YIPF3: variants seen among roughly 807,000 people sequenced by gnomAD.
YIPF3 encodes protein YIPF3.
A neutral mutation model predicts 40.3 loss-of-function variants in YIPF3; 18 were observed. That is an observed-to-expected ratio of 0.45 (90% CI 0.31 to 0.66). YIPF3 has a LOEUF of 0.66. Among genes scored for constraint, YIPF3 ranks in the 30% least tolerant of loss-of-function variants. YIPF3 has a pLI of 0.07. For synonymous variants in YIPF3, 190 were observed against 179.6 expected (o/e 1.06, Z -0.46); for missense variants, 406 against 452.2 (o/e 0.90, Z 0.93).
chr6:43,516,726 C>A lies in YIPF3; in HGVS notation c.81+1G>T. 6.2e-7 allele frequency: 1 copy of A among 1,612,896 alleles called. No homozygotes were observed. Among genetic ancestry groups the A allele is most frequent in the Non-Finnish European group, 8.5e-7 (1 of 1,179,806 alleles). ...GGCAGCTGGTGCCTTGGGGCCATTA[C>A]CTGGATGTTTTCTTCGAACCCTCCC... On this transcript the variant is annotated splice_donor_variant, in intron 1 of 8. Coordinates refer to ENST00000372422, the MANE Select transcript of YIPF3 (RefSeq NM_015388.4). LOFTEE classifies it high-confidence loss of function.
intron 1 of YIPF3, chr6:43,516,344 G>C (rs1433265827): frequency 2.3e-6 from 2 of 872,704 alleles, no homozygotes; most frequent in Admixed American, 3.2e-5. Flanking sequence ...ACCTATCAAA[G>C]ACTAAAAGGC....
chr6:43,515,143 C>A (rs912287526), intron 3 of YIPF3: 3 of 380,224 alleles, frequency 7.9e-6, no homozygotes, highest in Admixed American at 3.2e-5. Context: ...GGACTACGGG[C>A]ACCCGCCTGT....
chr6:43,516,774 G>C lies in YIPF3; in HGVS notation c.34C>G (p.Arg12Gly). The C allele has an allele frequency of 6.3e-7, 1 of 1,576,158 alleles. No individual in the cohort carries two copies. Among genetic ancestry groups the C allele is most frequent in the Non-Finnish European group, 8.6e-7 (1 of 1,162,790 alleles). ...CCCCATTCCGGGCCAGCTCCATTTC[G>C]GGCGCCGCCCGCCGGCGCCGCTGTA... The part of the protein sequence containing the change: ...ATTAAPAGGA[R>G]NGAGPEWGGF... The change falls in exon 1 of 9, where the codon CGA (arginine) becomes GGA (glycine). Residue 12 changes from arginine (R) to glycine (G), a missense_variant. Physicochemically the swap from Arg to Gly is moderately radical, Grantham distance 125. Transcript: ENST00000372422.
In YIPF3 at chr6:43,516,886, A is replaced by G; in HGVS notation, c.-79T>C. The G allele has an allele frequency of 6.8e-7, 1 of 1,478,884 alleles. No individual in the cohort carries two copies. Among genetic ancestry groups the G allele is most frequent in the South Asian group, 1.2e-5 (1 of 82,880 alleles). 91.6% of individuals were successfully genotyped at this position (1,478,884 alleles called of 1,614,324 possible). ...GGCAAGATGTGGGCCTCCGGAAGGTAGACGTCCAGGGTCGAGGAGAGGTGG... is the reference window on the plus strand; with the variant it reads ...GGCAAGATGTGGGCCTCCGGAAGGTGGACGTCCAGGGTCGAGGAGAGGTGG... On this transcript the variant is annotated 5_prime_UTR_variant, in exon 1 of 9. Transcript: ENST00000372422.
Position 43,515,147 on chromosome 6 carries a change from C to T in YIPF3, c.395+448G>A, listed in dbSNP as rs745610873. 7.8e-5 allele frequency: 30 copies of T among 383,470 alleles called. No individual in the cohort carries two copies. The East Asian group carries it at 1.5e-3, about 20-fold the overall frequency. 23.8% of individuals were successfully genotyped at this position (383,470 alleles called of 1,614,324 possible). Reference sequence around the variant, plus strand: ...CCGAGTAGCTGGGACTACGGGCACCCGCCTGTCTAATTTTTTTTGCATTTT... The same window carrying T: ...CCGAGTAGCTGGGACTACGGGCACCTGCCTGTCTAATTTTTTTTGCATTTT... On this transcript the variant is annotated intron_variant, in intron 3 of 8. Transcript: ENST00000372422.
At chr6:43,516,305 G>A in intron 1 of YIPF3, 2 of 1,139,206 alleles carry the variant, frequency 1.8e-6, no homozygotes, top group Non-Finnish European at 2.4e-6. Context: ...AAACCTACTA[G>A]TCTTCCATTC....
chr6:43,516,327 C>T (rs1392428281), intron 1 of YIPF3: 2 of 968,734 alleles, frequency 2.1e-6, no homozygotes, highest in Non-Finnish European at 2.9e-6. Context: ...TGTCTTTCTC[C>T]TATGTTACCT....
Position 43,516,916 on chromosome 6 carries a change from G to T in YIPF3, c.-109C>A. 7.6e-7 allele frequency: 1 copy of T among 1,321,798 alleles called. No homozygotes were observed. Among genetic ancestry groups the T allele is most frequent in the Non-Finnish European group, 1.1e-6 (1 of 941,352 alleles). The allele number at this position is 1,321,798 out of a possible 1,614,324, so 81.9% of individuals were successfully genotyped here. A position where few individuals can be genotyped will look rare whatever the true frequency, so the allele number is the denominator to read the frequency against. On this transcript the variant is annotated 5_prime_UTR_variant, in exon 1 of 9. Transcript: ENST00000372422. The stretch of plus-strand genomic sequence containing the variant: ...TCCAGGGTCGAGGAGAGGTGGGATC[G>T]GCCGGAACACAAAAAGGAGAAGCCC...
chr6:43,512,679 T>C (rs1467076303), intron 7 of YIPF3, 82 bp downstream of exon 7: 11 of 1,554,890 alleles, frequency 7.1e-6, no homozygotes, highest in Middle Eastern at 2.3e-4. Context: ...TTAGGGCTCT[T>C]TGTGAGATGG....
chr6:43,516,270 C>A, intron 1 of YIPF3, 175 bp from the exon 2 acceptor site: 1 of 1,384,606 alleles, frequency 7.2e-7, no homozygotes. Flanking sequence ...TGGTTTCTAG[C>A]TTTGGCTATC....
rs149789583 is a variant in YIPF3, at chr6:43,512,765, C to T, written c.776G>A (p.Arg259His). Residue 259 changes from arginine (R) to histidine (H), a missense_variant, in exon 7 of 9, where the codon CGC becomes CAC. Coordinates refer to ENST00000372422, the MANE Select transcript of YIPF3 (RefSeq NM_015388.4). ...GAAGCCTCTTGCCCAGCTTACCATG[C>T]GCAGTGTGGACAGTCCACCCACCAA... Reference protein sequence around the residue: ...WLLVGGLSTLRMVAVLVSRTV... With the variant: ...WLLVGGLSTLHMVAVLVSRTV... 7.1e-5 allele frequency: 114 copies of T among 1,612,624 alleles called. No individual in the cohort carries two copies. The highest frequency in any genetic ancestry group is 1.8e-4 in the Middle Eastern group (1 of 5,674).
At chr6:43,513,330 AC>A (rs752551767) in intron 5 of YIPF3, 28 bp downstream of exon 5, 9 of 1,613,356 alleles carry the variant, frequency 5.6e-6, no homozygotes, top group Middle Eastern at 1.6e-4. Flanking sequence ...TAGTGCAGCC[AC>A]CCCCCCAAAG....
intron 1 of YIPF3, 139 bp from the exon 2 acceptor site, chr6:43,516,234 TC>T: frequency 6.8e-7 from 1 of 1,476,208 alleles, no homozygotes; most frequent in South Asian, 1.4e-5. Flanking sequence ...GCCACTCCAT[TC>T]CCCCTCATAT....
At position 43,513,358 on chromosome 6, in the gene YIPF3, C is replaced by A. The variant is rs746177988; in HGVS notation, c.534+1G>T. ...CCCCCAAAGTTGTCTGTCCTGCTTACGATAATAGTGTCAGACGTCTTCATC... is the reference window on the plus strand; with the variant it reads ...CCCCCAAAGTTGTCTGTCCTGCTTAAGATAATAGTGTCAGACGTCTTCATC... On this transcript the variant is annotated splice_donor_variant, in intron 5 of 8. Transcript: ENST00000372422. LOFTEE classifies it high-confidence loss of function. 1 of 1,614,148 alleles carries A rather than the reference C, an allele frequency of 6.2e-7. No homozygotes were observed. The highest frequency in any genetic ancestry group is 8.5e-7 in the Non-Finnish European group (1 of 1,179,998).
intron 1 of YIPF3, 41 bp downstream of exon 1, chr6:43,516,686 G>C (rs181856524): frequency 1.2e-6 from 2 of 1,606,564 alleles, no homozygotes; most frequent in Non-Finnish European, 1.7e-6. Context: ...GGACATCGCC[G>C]GCCCTCCGGC....
rs1332923377 is a variant in YIPF3 at position 43,513,732 on chromosome 6, G to A, written c.396-99C>T. The stretch of plus-strand genomic sequence containing the variant: ...TTATTCATCTCTAACTCCAGGGAAT[G>A]GGGCCTGGCCTAGAAGACATGTTGG... On this transcript the variant is annotated intron_variant, in intron 3 of 8. Coordinates refer to ENST00000372422, the MANE Select transcript of YIPF3 (RefSeq NM_015388.4). 4.1e-6 allele frequency: 5 copies of A among 1,233,842 alleles called. No individual in the cohort carries two copies. In the African/African-American group the frequency reaches 7.6e-5, roughly 19 times the overall value. 76.4% of individuals were successfully genotyped at this position (1,233,842 alleles called of 1,614,324 possible).
rs959827080 is a variant in YIPF3 at position 43,513,010 on chromosome 6, G to C, written c.666+59C>G. 3.7e-6 allele frequency: 6 copies of C among 1,605,566 alleles called. No individual in the cohort carries two copies. In the South Asian group the frequency reaches 6.7e-5, roughly 18 times the overall value. ...GCTTTGGGGCCCCAGGACAGATGCCGACCAAGGCCTGGCTACTCTTTTTAA... is the reference window on the plus strand; with the variant it reads ...GCTTTGGGGCCCCAGGACAGATGCCCACCAAGGCCTGGCTACTCTTTTTAA... On this transcript the variant is annotated intron_variant, in intron 6 of 8. Coordinates refer to ENST00000372422, the MANE Select transcript of YIPF3 (RefSeq NM_015388.4).
rs1313473255 is a variant in YIPF3 at position 43,516,731 on chromosome 6, A to T, written c.77T>A (p.Ile26Asn). Residue 26 changes from isoleucine to asparagine, a missense_variant, in exon 1 of 9, where the codon ATC becomes AAC. Coordinates refer to ENST00000372422, the MANE Select transcript of YIPF3 (RefSeq NM_015388.4). ...GPEWGGFEEN[I>N]QGGGSAVIDM... ...CTGGTGCCTTGGGGCCATTACCTGG[A>T]TGTTTTCTTCGAACCCTCCCCATTC... The T allele has an allele frequency of 6.2e-7, 1 of 1,612,854 alleles. No individual in the cohort carries two copies. Among genetic ancestry groups the T allele is most frequent in the Admixed American group, 1.7e-5 (1 of 59,962 alleles).
At chr6:43,516,389 C>G (rs1019575547) in intron 1 of YIPF3, 1 of 663,242 alleles carries the variant, frequency 1.5e-6, no homozygotes, top group Non-Finnish European at 2.5e-6. Context: ...TCCTAAGCCC[C>G]AAACAAAACT....
Sources: gnomAD v4.1 joint callset for allele counts on GRCh38, gnomAD v4.1.1 for gene constraint, MANE v1.5 for transcripts, NCBI Gene and HGNC (gene_info 2026-07-23, HGNC 2026-07-21) for gene names.